CLCN6: variants seen among roughly 807,000 people sequenced by gnomAD.
The protein encoded by CLCN6 is Cl-/H+ antiporter 6, also known as H(+)/Cl(-) exchange transporter 6.
In CLCN6, 70 loss-of-function variants were observed where a neutral mutation model predicts 109.8. The ratio of observed to expected loss-of-function variants is 0.64; its 90% CI spans 0.53 to 0.78. The LOEUF (loss-of-function observed/expected upper bound fraction) is 0.78, where lower values mean the gene tolerates loss of function less well. Ranked by LOEUF, CLCN6 falls within the 30% of genes least tolerant of loss-of-function variation. CLCN6 has a pLI of 0.00. For missense variants in CLCN6, 984 were observed against 1,142.3 expected, an observed-to-expected ratio of 0.86 and a Z score of 2.00; for synonymous variants, 444 against 447.8, an observed-to-expected ratio of 0.99 and a Z score of 0.11.
Position 11,828,331 on chromosome 1 carries a change from A to G in CLCN6, c.954+112A>G, listed in dbSNP as rs140927950. The G allele has an allele frequency of 4.2e-5, 59 of 1,415,292 alleles. No homozygotes were observed. In the African/African-American group the frequency reaches 7.2e-4, roughly 17 times the overall value. 87.7% of individuals were successfully genotyped at this position (1,415,292 alleles called of 1,614,324 possible). On this transcript the variant is annotated intron_variant, in intron 11 of 22. Transcript: ENST00000346436. Reference sequence around the variant, plus strand: ...GGCTAGGTACAACTTCCAGGGACACATCTCACCCATTAGCCTCTGCCGTGC... The same window carrying G: ...GGCTAGGTACAACTTCCAGGGACACGTCTCACCCATTAGCCTCTGCCGTGC...
In CLCN6 at chr1:11,835,967, G is replaced by A. The variant is rs769123791; in HGVS notation, c.1794G>A (p.Lys598=). 6.2e-7 allele frequency: 1 copy of A among 1,612,622 alleles called. No homozygotes were observed. The change falls in exon 18 of 23, where the codon AAG becomes AAA. Residue 598 remains lysine, a splice_region_variant and synonymous_variant. Coordinates refer to ENST00000346436, the MANE Select transcript of CLCN6 (RefSeq NM_001286.5). ...LEWETEVEMD[K]LRASDIMEPN... ...TGGATGACTTGCCCTCCTCCCCCAG[G>A]CTGAGAGCCAGCGACATCATGGAGC...
Position 11,834,683 on chromosome 1 carries a change from AC to A in CLCN6, c.1793+94del. 9.2e-7 allele frequency: 1 copy of A among 1,081,428 alleles called. No individual in the cohort carries two copies. The highest frequency in any genetic ancestry group is 1.4e-6 in the Non-Finnish European group (1 of 722,742). 67.0% of individuals were successfully genotyped at this position (1,081,428 alleles called of 1,614,324 possible). Reference sequence around the variant, plus strand: ...TTATTAGGGTAGGAAACAGTAACTCACTTTTCTTGGGCTGAAAGAAGCAACA... The same window carrying A: ...TTATTAGGGTAGGAAACAGTAACTCATTTTCTTGGGCTGAAAGAAGCAACA... On this transcript the variant is annotated intron_variant, in intron 17 of 22. Coordinates refer to ENST00000346436, the MANE Select transcript of CLCN6 (RefSeq NM_001286.5). This position sits in a 1 kb window ranked among gnomAD's most constrained non-coding sequence, Gnocchi z 4.5.
intron 9 of CLCN6, 105 bp from the exon 10 acceptor site, chr1:11,826,984 A>G (rs989637150): frequency 6.4e-6 from 9 of 1,416,828 alleles, no homozygotes; most frequent in African/African-American, 4.3e-5. Flanking sequence ...ATCCCTGCCT[A>G]TTCATTCACA....
At position 11,828,696 on chromosome 1, in the gene CLCN6, C is replaced by T. The variant is rs1207077734; in HGVS notation, c.1121+72C>T. The T allele has an allele frequency of 1.4e-5, 21 of 1,468,020 alleles. 1 individual carries two copies. The South Asian group carries it at 2.5e-4, about 18-fold the overall frequency. 90.9% of individuals were successfully genotyped at this position (1,468,020 alleles called of 1,614,324 possible). A position where few individuals can be genotyped will look rare whatever the true frequency, so the allele number is the denominator to read the frequency against. On this transcript the variant is annotated intron_variant, in intron 12 of 22. Coordinates refer to ENST00000346436, the MANE Select transcript of CLCN6 (RefSeq NM_001286.5). ...GCTTGGTGTGGGCCGCGCCATCTCT[C>T]CCGAGGAGCGGACCCTGCCTCCACG...
Position 11,837,505 on chromosome 1 carries a change from T to G in CLCN6, c.2295+6T>G. The G allele has an allele frequency of 6.2e-7, 1 of 1,612,088 alleles. No individual in the cohort carries two copies. Among genetic ancestry groups the G allele is most frequent in the South Asian group, 1.1e-5 (1 of 91,062 alleles). On this transcript the variant is annotated splice_donor_region_variant and intron_variant, in intron 20 of 22. Transcript: ENST00000346436. ...GTTACTCTGAAAGCCAGTCGGTAAGTCTCTCCGAGGCAGAAATCAGCCAGG... is the reference window on the plus strand; with the variant it reads ...GTTACTCTGAAAGCCAGTCGGTAAGGCTCTCCGAGGCAGAAATCAGCCAGG...
At chr1:11,831,291 G>T (rs1644881200) in intron 13 of CLCN6, among the ~76,000 whole-genome samples, 1 of 151,954 alleles carries the variant, frequency 6.6e-6, no homozygotes, top group Admixed American at 6.6e-5. Context: ...CAAGTAGCTG[G>T]GACTTCAGGC....
At position 11,834,066 on chromosome 1, in the gene CLCN6, ATG is replaced by A; in HGVS notation, c.1526+43_1526+44del. On this transcript the variant is annotated intron_variant, in intron 15 of 22. Coordinates refer to ENST00000346436, the MANE Select transcript of CLCN6 (RefSeq NM_001286.5). This position sits in a 1 kb window ranked among gnomAD's most constrained non-coding sequence, Gnocchi z 4.5. ...TGTGTGCGTGTGTGTGCGCATGTGC[ATG>A]TGTGTGCACGTGTGCGTGTGTATGC... 2 of 1,608,384 alleles carry A rather than the reference ATG, an allele frequency of 1.2e-6. No individual in the cohort carries two copies. Among genetic ancestry groups the A allele is most frequent in the South Asian group, 1.1e-5 (1 of 90,594 alleles).
rs567578893 is a variant in CLCN6 at position 11,823,399 on chromosome 1, C to T, written c.454-308C>T. Among the ~76,000 whole-genome samples the T allele has an allele frequency of 9.9e-5, 15 of 152,120 alleles. No individual in the cohort carries two copies. In the South Asian group the frequency reaches 3.1e-3, roughly 32 times the overall value. On this transcript the variant is annotated intron_variant, in intron 6 of 22. Coordinates refer to ENST00000346436, the MANE Select transcript of CLCN6 (RefSeq NM_001286.5). ...GACTGAGGCAGGGGAATTGCTGGAA[C>T]CCAGAAGGCGGAGGTTGCAATGAGT...
At chr1:11,830,836 T>TTTG (rs1474173578) in intron 13 of CLCN6, among the ~76,000 whole-genome samples, 6 of 137,272 alleles carry the variant, frequency 4.4e-5, no homozygotes, top group Non-Finnish European at 6.6e-5. Context: ...TATATTTCTG[T>TTTG]TTGTTTTGTT....
rs1396755957 is a variant in CLCN6 at position 11,816,620 on chromosome 1, T to C, written c.219T>C (p.Gly73=). 6.2e-7 allele frequency: 1 copy of C among 1,612,706 alleles called. No individual in the cohort carries two copies. Among genetic ancestry groups the C allele is most frequent in the South Asian group, 1.1e-5 (1 of 90,776 alleles). ...TTCTTTTCCTGTGTGAACAGAAAGG[T>C]CGAAGATATGAGGCGGTGAAGTGGA... The part of the protein sequence containing the change: ...EVLETMDNKK[G]RRYEAVKWMV... Residue 73 remains glycine (G), a synonymous_variant, in exon 4 of 23, where the codon GGT becomes GGC. Coordinates refer to ENST00000346436, the MANE Select transcript of CLCN6 (RefSeq NM_001286.5).
At position 11,834,948 on chromosome 1, in the gene CLCN6, C is replaced by A. The variant is rs1441721191; in HGVS notation, c.1793+358C>A. 6.6e-6 allele frequency among the ~76,000 whole-genome samples: 1 copy of A among 152,198 alleles called. No homozygotes were observed. The highest frequency in any genetic ancestry group is 6.5e-5 in the Admixed American group (1 of 15,276). On this transcript the variant is annotated intron_variant, in intron 17 of 22. Coordinates refer to ENST00000346436, the MANE Select transcript of CLCN6 (RefSeq NM_001286.5). This position sits in a 1 kb window ranked among gnomAD's most constrained non-coding sequence, Gnocchi z 4.5. ...GTGAGAATAGCCTGTTTCACATGTGCCCACCAGAATGCCCTACTGCCAGCC... is the reference window on the plus strand; with the variant it reads ...GTGAGAATAGCCTGTTTCACATGTGACCACCAGAATGCCCTACTGCCAGCC...
chr1:11,837,161 G>T lies in CLCN6; in HGVS notation c.2138+5G>T, dbSNP rs765701155. 1 of 1,611,694 alleles carries T rather than the reference G, an allele frequency of 6.2e-7. No homozygotes were observed. Among genetic ancestry groups the T allele is most frequent in the Non-Finnish European group, 8.5e-7 (1 of 1,179,720 alleles). ...GCAGCAGATGCTGGAAAGGAGGTGAGAGCCTGGCGGGGCCCCCACTGCCCG... is the reference window on the plus strand; with the variant it reads ...GCAGCAGATGCTGGAAAGGAGGTGATAGCCTGGCGGGGCCCCCACTGCCCG... On this transcript the variant is annotated splice_donor_5th_base_variant and intron_variant, in intron 19 of 22. Transcript: ENST00000346436.
chr1:11,822,696 G>A lies in CLCN6; in HGVS notation c.348G>A (p.Ser116=), dbSNP rs149879610. The change falls in exon 6 of 23, where the codon TCG becomes TCA. Residue 116 remains serine (S), a splice_region_variant and synonymous_variant. Coordinates refer to ENST00000346436, the MANE Select transcript of CLCN6 (RefSeq NM_001286.5). The part of the protein sequence containing the change: ...TQLKFGVVQT[S]VEECSQKGCL... ...GTTTCCTTAACCCAGTTTCCGCAGC[G>A]GTGGAGGAGTGCAGCCAGAAAGGCT... The A allele has an allele frequency of 1.4e-5, 23 of 1,606,734 alleles. No homozygotes were observed. The highest frequency in any genetic ancestry group is 4.0e-5 in the African/African-American group (3 of 74,920).
At chr1:11,818,161 T>C (rs997247042) in intron 4 of CLCN6, among the ~76,000 whole-genome samples, 6 of 152,248 alleles carry the variant, frequency 3.9e-5, no homozygotes, top group African/African-American at 1.4e-4. Context: ...TATATGTTTC[T>C]GGTTGCAGAT....
At chr1:11,810,326 G>A (rs17037425) in intron 2 of CLCN6, among the ~76,000 whole-genome samples, 24,337 of 152,140 alleles carry the variant, frequency 0.16, 2,104 homozygotes, top group African/African-American at 0.23. Flanking sequence ...ATGTGCCATT[G>A]CAAACAGGAA....
At chr1:11,827,996 G>A (rs1029928748) in intron 10 of CLCN6, 110 bp from the exon 11 acceptor site, 9 of 778,082 alleles carry the variant, frequency 1.2e-5, no homozygotes, top group Admixed American at 2.0e-5. Flanking sequence ...GTACCCGGAT[G>A]TAGATTCCGG....
chr1:11,819,624 G>A (rs1419885582), intron 5 of CLCN6, 70 bp downstream of exon 5: 1 of 1,367,406 alleles, frequency 7.3e-7, no homozygotes, highest in African/African-American at 1.4e-5. Flanking sequence ...ACATAGAAAT[G>A]GGTCTAACAG....
At chr1:11,828,434 C>T in intron 11 of CLCN6, 24 bp from the exon 12 acceptor site, 1 of 1,613,434 alleles carries the variant, frequency 6.2e-7, no homozygotes, top group Non-Finnish European at 8.5e-7. Flanking sequence ...TTTTTCTCTC[C>T]CTCTCCCTTT....
intron 9 of CLCN6, 82 bp downstream of exon 9, chr1:11,826,296 C>T: frequency 1.7e-6 from 2 of 1,168,546 alleles, no homozygotes; most frequent in Non-Finnish European, 2.6e-6. Flanking sequence ...CTTGCTCTAG[C>T]CTGGCAGTAT....
Sources: allele counts gnomAD v4.1 joint callset (sites outside exome capture counted in the v4.1 genomes callset), GRCh38; gene constraint gnomAD v4.1.1; non-coding constraint Gnocchi (gnomAD v3.1); transcripts MANE v1.5; gene names NCBI Gene and HGNC (gene_info 2026-07-23, HGNC 2026-07-21).